TRPM3: variants seen among roughly 807,000 people sequenced by gnomAD.
TRPM3 encodes long transient receptor potential channel 3.
TRPM3 carries 77 observed loss-of-function variants against 181.2 expected under a neutral mutation model. The ratio of observed to expected loss-of-function variants is 0.42; its 90% CI spans 0.35 to 0.51. The LOEUF is 0.51. Among genes scored for constraint, TRPM3 ranks in the 20% least tolerant of loss-of-function variants. TRPM3 has a pLI of 0.01. For missense variants in TRPM3, 1,759 were observed against 2,196.7 expected (o/e 0.80, Z 3.98); for synonymous variants, 745 against 796.4 (o/e 0.94, Z 1.09).
chr9:70,979,547 C>T (rs1255441659), intron 1 of TRPM3, among the ~76,000 whole-genome samples: 1 of 152,140 alleles, frequency 6.6e-6, no homozygotes, highest in Non-Finnish European at 1.5e-5. Context: ...ACTTGCCATA[C>T]ATAAATACTG....
At chr9:71,149,973 C>T (rs1179050506) in intron 1 of TRPM3, among the ~76,000 whole-genome samples, 1 of 151,616 alleles carries the variant, frequency 6.6e-6, no homozygotes, top group East Asian at 1.9e-4. Context: ...GATCCTGTCT[C>T]AAATATATAT....
intron 6 of TRPM3, among the ~76,000 whole-genome samples, chr9:70,813,681 G>C (rs1264028950): frequency 1.3e-5 from 2 of 152,124 alleles, no homozygotes; most frequent in African/African-American, 4.8e-5. Flanking sequence ...AAAAACACTT[G>C]CTGCTTTATA....
chr9:70,602,186 A>G (rs375897015), intron 20 of TRPM3, among the ~76,000 whole-genome samples: 1 of 143,560 alleles, frequency 7.0e-6, no homozygotes, highest in Non-Finnish European at 1.5e-5. Context: ...GGATGGGGAG[A>G]TGGTAGTCAG....
chr9:71,066,237 A>G (rs138032792), intron 1 of TRPM3, among the ~76,000 whole-genome samples: 142 of 152,324 alleles, frequency 9.3e-4, no homozygotes, highest in African/African-American at 2.6e-3. Flanking sequence ...CTTGATGACA[A>G]TAATACCTAA....
intron 1 of TRPM3, among the ~76,000 whole-genome samples, chr9:71,127,292 A>AACACACATACACACACACAC (rs2074097082): frequency 7.0e-6 from 1 of 143,754 alleles, no homozygotes; most frequent in African/African-American, 2.6e-5. Context: ...AGCTGACCAA[A>AACACACATACACACACACAC]ACACACACAC....
rs552037789 is a variant in TRPM3, at chr9:70,852,282, C to A, written c.463-5691G>T. Among the ~76,000 whole-genome samples the A allele has an allele frequency of 1.2e-4, 18 of 152,168 alleles. No homozygotes were observed. In the East Asian group the frequency reaches 3.1e-3, roughly 26 times the overall value. Reference sequence around the variant, plus strand: ...CTTGTACCTTCTCACATACTCCTCCCAACAACAGGGATGTTGGTTTCACCC... The same window carrying A: ...CTTGTACCTTCTCACATACTCCTCCAAACAACAGGGATGTTGGTTTCACCC... On this transcript the variant is annotated intron_variant, in intron 3 of 25. Coordinates refer to ENST00000677713, the MANE Select transcript of TRPM3 (RefSeq NM_001366145.2).
At chr9:70,752,586 CAAT>C (rs201620083) in intron 8 of TRPM3, among the ~76,000 whole-genome samples, 2,713 of 152,234 alleles carry the variant, frequency 0.018, 98 homozygotes, top group African/African-American at 0.06. Context: ...ACGTTTCAGT[CAAT>C]GATGTATTGT....
rs371979091 is a variant in TRPM3 at position 70,669,434 on chromosome 9, A to C, written c.1345+12072T>G. 1.4e-4 allele frequency among the ~76,000 whole-genome samples: 21 copies of C among 152,316 alleles called. No homozygotes were observed. In the East Asian group the frequency reaches 2.3e-3, roughly 17 times the overall value. ...TTCTCCTGGTTATGACCCTGAAACA[A>C]AGAACACCATGCTGTCATCTTCTGA... On this transcript the variant is annotated intron_variant, in intron 9 of 25. Coordinates refer to ENST00000677713, the MANE Select transcript of TRPM3 (RefSeq NM_001366145.2).
chr9:70,759,650 G>A (rs1442421986), intron 8 of TRPM3, among the ~76,000 whole-genome samples: 1 of 152,172 alleles, frequency 6.6e-6, no homozygotes, highest in Non-Finnish European at 1.5e-5. Context: ...ATACTATGCA[G>A]CCATAAAAAA....
At chr9:71,375,315 T>C (rs1476612464) in intron 1 of TRPM3, among the ~76,000 whole-genome samples, 2 of 152,162 alleles carry the variant, frequency 1.3e-5, no homozygotes, top group Non-Finnish European at 2.9e-5. Context: ...GAGAACTGGC[T>C]AGCCAAAGCA....
chr9:71,174,762 A>C (rs981693811), intron 1 of TRPM3, among the ~76,000 whole-genome samples: 4 of 152,146 alleles, frequency 2.6e-5, no homozygotes, highest in African/African-American at 7.2e-5. Context: ...GTGTGAATTC[A>C]GTATGGTTCG....
At chr9:71,101,023 C>T (rs1022062038) in intron 1 of TRPM3, among the ~76,000 whole-genome samples, 5 of 152,034 alleles carry the variant, frequency 3.3e-5, no homozygotes, top group African/African-American at 1.2e-4. Flanking sequence ...TCTCATGTAT[C>T]TAAAACCTAA....
chr9:71,310,305 T>C (rs2087795611), intron 1 of TRPM3, among the ~76,000 whole-genome samples: 1 of 152,054 alleles, frequency 6.6e-6, no homozygotes, highest in African/African-American at 2.4e-5. Flanking sequence ...AAAACTAATC[T>C]GAAATGTACT....
chr9:71,063,797 G>A (rs1053155878), intron 1 of TRPM3, among the ~76,000 whole-genome samples: 6 of 152,098 alleles, frequency 3.9e-5, no homozygotes, highest in Non-Finnish European at 7.4e-5. Context: ...AAGAAACACC[G>A]CCAAAGGTGT....
intron 1 of TRPM3, among the ~76,000 whole-genome samples, chr9:71,050,965 G>T (rs1035363995): frequency 3.3e-5 from 5 of 152,132 alleles, no homozygotes; most frequent in African/African-American, 7.2e-5. Flanking sequence ...GTTGACTTTG[G>T]CTCACAAGAA....
chr9:71,303,079 T>C (rs1372782464), intron 1 of TRPM3, among the ~76,000 whole-genome samples: 1 of 152,106 alleles, frequency 6.6e-6, no homozygotes, highest in Non-Finnish European at 1.5e-5. Flanking sequence ...TCACCCACAG[T>C]GGCCTGAAGG....
chr9:70,768,904 T>C (rs114272805), intron 7 of TRPM3, among the ~76,000 whole-genome samples: 68 of 152,320 alleles, frequency 4.5e-4, no homozygotes, highest in African/African-American at 1.6e-3. Flanking sequence ...TCCATGTATT[T>C]TGGAAAAAGA....
intron 1 of TRPM3, among the ~76,000 whole-genome samples, chr9:71,314,936 C>G (rs1179512020): frequency 6.6e-6 from 1 of 151,722 alleles, no homozygotes; most frequent in Non-Finnish European, 1.5e-5. Context: ...GCTTTGGAGT[C>G]AAGCCTATGA....
chr9:70,683,560 C>T (rs1021622917), intron 8 of TRPM3, among the ~76,000 whole-genome samples: 2 of 148,252 alleles, frequency 1.3e-5, no homozygotes, highest in African/African-American at 5.0e-5. Context: ...ATGTATGGCC[C>T]TGATCTAAAA....
Sources: allele counts gnomAD v4.1 joint callset (sites outside exome capture counted in the v4.1 genomes callset), GRCh38; gene constraint gnomAD v4.1.1; transcripts MANE v1.5; gene names NCBI Gene and HGNC (gene_info 2026-07-23, HGNC 2026-07-21).